Variants in FRYL observed in about 807,000 individuals in gnomAD.
FRYL encodes FRY like transcription coactivator.
Under a neutral mutation model 351.2 loss-of-function variants are expected in FRYL, and 150 were observed. The observed-to-expected ratio is 0.43, with a 90% CI of 0.37 to 0.49. The LOEUF (loss-of-function observed/expected upper bound fraction) is 0.49, where lower values mean the gene tolerates loss of function less well. Among genes scored for constraint, FRYL ranks in the 20% least tolerant of loss-of-function variants. The probability of loss-of-function intolerance (pLI) is 0.00; values close to 1 mark genes in which losing one functional copy is unlikely to be tolerated. For missense variants in FRYL, 3,036 were observed against 3,619.3 expected (o/e 0.84, Z 4.13); for synonymous variants, 1,153 against 1,257.1 (o/e 0.92, Z 1.75).
chr4:48,502,412 G>A (rs1354962783), intron 61 of FRYL, among the ~76,000 whole-genome samples: 1 of 152,024 alleles, frequency 6.6e-6, no homozygotes, highest in Non-Finnish European at 1.5e-5. Context: ...GGGCATGGTG[G>A]TGGGTGTATG....
At chr4:48,712,679 C>A (rs1284625024) in intron 1 of FRYL, among the ~76,000 whole-genome samples, 2 of 152,172 alleles carry the variant, frequency 1.3e-5, no homozygotes, top group Non-Finnish European at 2.9e-5. Flanking sequence ...CCCAATCTAG[C>A]AAGGCAGGCC....
chr4:48,760,896 T>C (rs1774334608), intron 1 of FRYL, among the ~76,000 whole-genome samples: 1 of 152,116 alleles, frequency 6.6e-6, no homozygotes, highest in Non-Finnish European at 1.5e-5. Context: ...CAGGCTGGTC[T>C]AGAACTCCTG....
At chr4:48,701,516 C>G (rs1051532661) in intron 2 of FRYL, among the ~76,000 whole-genome samples, 1 of 152,044 alleles carries the variant, frequency 6.6e-6, no homozygotes, top group African/African-American at 2.4e-5. Flanking sequence ...CAGAAGGAAA[C>G]CTGTAAGGAT....
intron 1 of FRYL, among the ~76,000 whole-genome samples, chr4:48,738,702 G>A (rs959613227): frequency 9.6e-5 from 14 of 145,246 alleles, no homozygotes; most frequent in African/African-American, 2.6e-4. Context: ...ACAGGGTCTC[G>A]CTATGCTGCC....
intron 26 of FRYL, among the ~76,000 whole-genome samples, 171 bp downstream of exon 26, chr4:48,573,015 G>A (rs928107599): frequency 5.9e-5 from 9 of 152,062 alleles, no homozygotes; most frequent in African/African-American, 1.9e-4. Flanking sequence ...TTTTTCATCC[G>A]TTTTACATAA....
chr4:48,607,212 A>T (rs1747025865), intron 9 of FRYL, among the ~76,000 whole-genome samples: 1 of 152,194 alleles, frequency 6.6e-6, no homozygotes, highest in African/African-American at 2.4e-5. Flanking sequence ...AATTATACTT[A>T]ATTATCCCCT....
chr4:48,695,987 A>C (rs572796092), intron 2 of FRYL, among the ~76,000 whole-genome samples: 65 of 152,328 alleles, frequency 4.3e-4, no homozygotes, highest in African/African-American at 1.5e-3. Context: ...ATACCATCTC[A>C]CGCCAGTCAC....
chr4:48,621,613 C>T (rs1249352631), intron 5 of FRYL, among the ~76,000 whole-genome samples: 1 of 152,168 alleles, frequency 6.6e-6, no homozygotes, highest in Non-Finnish European at 1.5e-5. Flanking sequence ...ATTAAATATG[C>T]TTCACTTTGT....
intron 3 of FRYL, among the ~76,000 whole-genome samples, chr4:48,643,109 C>T (rs758416606): frequency 1.3e-5 from 2 of 152,174 alleles, no homozygotes; most frequent in South Asian, 2.1e-4. Context: ...AATGGACCTG[C>T]GAATCAACAC....
intron 49 of FRYL, among the ~76,000 whole-genome samples, chr4:48,532,334 A>T (rs1214666496): frequency 2.0e-5 from 3 of 152,224 alleles, no homozygotes; most frequent in Non-Finnish European, 4.4e-5. Context: ...TCTACATGAT[A>T]CTGTGACATT....
intron 21 of FRYL, among the ~76,000 whole-genome samples, chr4:48,581,170 T>C (rs1387453584): frequency 4.0e-5 from 6 of 151,586 alleles, no homozygotes; most frequent in East Asian, 1.9e-4. Context: ...GCCTCCCGAG[T>C]AGCTGGACTA....
intron 47 of FRYL, among the ~76,000 whole-genome samples, chr4:48,539,059 T>C (rs1406901723): frequency 6.6e-6 from 1 of 152,184 alleles, no homozygotes; most frequent in African/African-American, 2.4e-5. Flanking sequence ...TGTTAACAGA[T>C]GATTTATAAA....
chr4:48,545,704 C>T (rs962197687), intron 42 of FRYL, among the ~76,000 whole-genome samples: 3 of 152,142 alleles, frequency 2.0e-5, no homozygotes, highest in African/African-American at 7.2e-5. Context: ...CAATGGAATA[C>T]CATGCCCTTT....
intron 29 of FRYL, 99 bp downstream of exon 29, chr4:48,565,432 A>G: frequency 1.2e-6 from 1 of 844,992 alleles, no homozygotes; most frequent in Non-Finnish European, 1.7e-6. Flanking sequence ...AAAACATTTT[A>G]ATACTCTCAG....
intron 59 of FRYL, chr4:48,506,487 G>T (rs1305806031): frequency 6.6e-6 from 1 of 151,406 alleles, no homozygotes; most frequent in Non-Finnish European, 1.5e-5. Flanking sequence ...TGGACTCACA[G>T]AATTTCCAAG....
intron 1 of FRYL, among the ~76,000 whole-genome samples, chr4:48,719,255 C>G (rs1386315060): frequency 6.6e-6 from 1 of 151,684 alleles, no homozygotes; most frequent in African/African-American, 2.4e-5. Flanking sequence ...AGGCTGAACT[C>G]TTTGCTCTGT....
At chr4:48,565,925 A>G (rs577211961) in intron 28 of FRYL, among the ~76,000 whole-genome samples, 1 of 152,202 alleles carries the variant, frequency 6.6e-6, no homozygotes, top group Non-Finnish European at 1.5e-5. Context: ...CATCTCTGCA[A>G]GCAGAAATTC....
intron 42 of FRYL, among the ~76,000 whole-genome samples, chr4:48,545,378 C>G (rs953623229): frequency 4.6e-5 from 7 of 152,134 alleles, no homozygotes; most frequent in African/African-American, 1.7e-4. Context: ...TTTATTAACA[C>G]AGGCCCAAAG....
chr4:48,704,417 G>GA (rs1374446111), intron 2 of FRYL, among the ~76,000 whole-genome samples: 1 of 152,086 alleles, frequency 6.6e-6, no homozygotes, highest in Non-Finnish European at 1.5e-5. Flanking sequence ...GGTTATGTAT[G>GA]AAAAAAAGGC....
Sources: allele counts gnomAD v4.1 joint callset (sites outside exome capture counted in the v4.1 genomes callset), GRCh38; gene constraint gnomAD v4.1.1; transcripts MANE v1.5; gene names NCBI Gene and HGNC (gene_info 2026-07-23, HGNC 2026-07-21).